The following CHMP4B variants were observed in gnomAD, a reference collection of about 807,000 sequenced individuals.
CHMP4B encodes charged multivesicular body protein 4B.
In CHMP4B, 1 loss-of-function variant was observed where a neutral mutation model predicts 25.1. That is an observed-to-expected ratio of 0.04 (90% CI 0.01 to 0.19). CHMP4B has a LOEUF of 0.19. Among genes scored for constraint, CHMP4B ranks in the 10% least tolerant of loss-of-function variants. CHMP4B has a pLI of 1.00. For synonymous variants in CHMP4B, 101 were observed against 115.6 expected, an observed-to-expected ratio of 0.87 and a Z score of 0.81; for missense variants, 151 against 289.7, an observed-to-expected ratio of 0.52 and a Z score of 3.48.
intron 1 of CHMP4B, among the ~76,000 whole-genome samples, chr20:33,830,611 G>A (rs556620999): frequency 5.9e-5 from 9 of 152,178 alleles, no homozygotes; most frequent in Non-Finnish European, 8.8e-5. Context: ...GAGCGGGGGC[G>A]TCTCTCTTCC....
intron 1 of CHMP4B, among the ~76,000 whole-genome samples, chr20:33,814,688 T>C (rs1978732428): frequency 6.6e-6 from 1 of 152,192 alleles, no homozygotes; most frequent in Non-Finnish European, 1.5e-5. Flanking sequence ...AGGGTCTTGC[T>C]CTGACATCCA....
chr20:33,828,664 C>T (rs777932260), intron 1 of CHMP4B, among the ~76,000 whole-genome samples: 87 of 152,032 alleles, frequency 5.7e-4, no homozygotes, highest in Admixed American at 3.3e-4. Context: ...TTCCTACTTT[C>T]GGCTCATTTT....
At position 33,834,974 on chromosome 20, in the gene CHMP4B, TG is replaced by T. The variant is rs202124088; in HGVS notation, c.191-13492del. ...CACGCCACCACGCCCAGCTAATTTT[TG>T]TAGTAGAGACGAGTTTCACCATGTT... On this transcript the variant is annotated intron_variant, in intron 1 of 4. Transcript: ENST00000217402. Among the ~76,000 whole-genome samples, 1,514 of 152,220 alleles carry T rather than the reference TG, an allele frequency of 9.9e-3. 26 individuals carry two copies. The highest frequency in any genetic ancestry group is 0.034 in the African/African-American group (1,414 of 41,530).
chr20:33,849,016 G>C (rs1315103784), intron 2 of CHMP4B, among the ~76,000 whole-genome samples: 1 of 152,142 alleles, frequency 6.6e-6, no homozygotes, highest in African/African-American at 2.4e-5. Context: ...ATTAGAATCG[G>C]TGCCCATGAT....
intron 1 of CHMP4B, among the ~76,000 whole-genome samples, chr20:33,817,365 G>C (rs1194693657): frequency 1.3e-5 from 2 of 152,232 alleles, no homozygotes; most frequent in Admixed American, 6.5e-5. Context: ...ATTTGGCAGG[G>C]AGATTAGATA....
At chr20:33,821,650 A>T (rs764370621) in intron 1 of CHMP4B, among the ~76,000 whole-genome samples, 1 of 151,790 alleles carries the variant, frequency 6.6e-6, no homozygotes, top group African/African-American at 2.4e-5. Flanking sequence ...TAGGCTGGGT[A>T]TGGTGACTCA....
intron 1 of CHMP4B, among the ~76,000 whole-genome samples, chr20:33,836,004 T>C (rs1470859816): frequency 1.3e-5 from 2 of 152,210 alleles, no homozygotes; most frequent in East Asian, 1.9e-4. Flanking sequence ...ACCTCTGACA[T>C]TGGTGATGAA....
chr20:33,838,595 G>T (rs1979452853), intron 1 of CHMP4B, among the ~76,000 whole-genome samples: 1 of 152,240 alleles, frequency 6.6e-6, no homozygotes, highest in Non-Finnish European at 1.5e-5. Flanking sequence ...ATATCTGTGG[G>T]CTGCATGGGT....
rs55917511 is a variant in CHMP4B at position 33,830,933 on chromosome 20, G to GTTTTTTTTTTTTTTTTTTTTTTTTTTT, written c.191-17518_191-17517insTTTTTTTTTTTTTTTTTTTTTTTTTTT. Among the ~76,000 whole-genome samples the GTTTTTTTTTTTTTTTTTTTTTTTTTTT allele has an allele frequency of 4.7e-4, 48 of 102,534 alleles. 2 individuals carry two copies. The highest frequency in any genetic ancestry group is 2.3e-3 in the East Asian group (5 of 2,146). The allele number at this position is 102,534 out of a possible 152,430, so 67.3% of individuals were successfully genotyped here. A position where few individuals can be genotyped will look rare whatever the true frequency, so the allele number is the denominator to read the frequency against. ...TGAATTAATTGTTCAAAGGAACAGA[G>GTTTTTTTTTTTTTTTTTTTTTTTTTTT]TTTTTTTTTTTTTTTTAGTTTTTTT... On this transcript the variant is annotated intron_variant, in intron 1 of 4. Transcript: ENST00000217402.
rs966219072 is a variant in CHMP4B, at chr20:33,837,541, G to C, written c.191-10926G>C. 1.2e-4 allele frequency among the ~76,000 whole-genome samples: 18 copies of C among 152,102 alleles called. 1 individual carries two copies. Among genetic ancestry groups the C allele is most frequent in the Middle Eastern group, 3.2e-3 (1 of 316 alleles). Reference sequence around the variant, plus strand: ...AGAGAGGAATTTCAGAGAGAGGAGGGAGGCAGTGCCAGAACTTGTAAGGAG... The same window carrying C: ...AGAGAGGAATTTCAGAGAGAGGAGGCAGGCAGTGCCAGAACTTGTAAGGAG... On this transcript the variant is annotated intron_variant, in intron 1 of 4. Coordinates refer to ENST00000217402, the MANE Select transcript of CHMP4B (RefSeq NM_176812.5).
At chr20:33,839,036 A>G (rs6088316) in intron 1 of CHMP4B, among the ~76,000 whole-genome samples, 16,399 of 152,166 alleles carry the variant, frequency 0.11, 1,218 homozygotes, top group Non-Finnish European at 0.17. Flanking sequence ...GTATAGTCAC[A>G]GGGGAGGTCC....
intron 1 of CHMP4B, among the ~76,000 whole-genome samples, chr20:33,812,453 A>G (rs1978657784): frequency 6.6e-6 from 1 of 152,110 alleles, no homozygotes; most frequent in South Asian, 2.1e-4. Context: ...CCCAGTCCCC[A>G]CTACTAGGAT....
intron 1 of CHMP4B, among the ~76,000 whole-genome samples, chr20:33,838,916 AC>A (rs1979460765): frequency 6.6e-6 from 1 of 151,962 alleles, no homozygotes; most frequent in Non-Finnish European, 1.5e-5. Flanking sequence ...CCCTTTGGTG[AC>A]CCTGACTCCC....
chr20:33,831,660 C>T (rs1157285896), intron 1 of CHMP4B, among the ~76,000 whole-genome samples: 1 of 152,260 alleles, frequency 6.6e-6, no homozygotes, highest in Non-Finnish European at 1.5e-5. Flanking sequence ...AGGCATGAGC[C>T]ACTGCACCTG....
At chr20:33,819,004 G>A (rs1294524137) in intron 1 of CHMP4B, among the ~76,000 whole-genome samples, 1 of 152,058 alleles carries the variant, frequency 6.6e-6, no homozygotes, top group Non-Finnish European at 1.5e-5. Flanking sequence ...CTGCCTCCCG[G>A]GTTCAAGTGA....
At chr20:33,831,778 T>C (rs752598259) in intron 1 of CHMP4B, among the ~76,000 whole-genome samples, 5 of 152,242 alleles carry the variant, frequency 3.3e-5, no homozygotes, top group Non-Finnish European at 7.3e-5. Context: ...TAATCGACAG[T>C]GTTCAGCAGG....
At chr20:33,835,296 T>C (rs1204574784) in intron 1 of CHMP4B, among the ~76,000 whole-genome samples, 2 of 152,254 alleles carry the variant, frequency 1.3e-5, no homozygotes, top group Admixed American at 6.5e-5. Context: ...TAATATGATG[T>C]GCTTTGGTAT....
intron 1 of CHMP4B, among the ~76,000 whole-genome samples, chr20:33,839,809 C>G (rs1433457789): frequency 1.3e-5 from 2 of 152,162 alleles, no homozygotes; most frequent in Admixed American, 1.3e-4. Context: ...GCTTTGATCC[C>G]AGGCCTGCCA....
intron 1 of CHMP4B, among the ~76,000 whole-genome samples, chr20:33,835,634 G>A (rs1979371512): frequency 6.6e-6 from 1 of 152,144 alleles, no homozygotes; most frequent in African/African-American, 2.4e-5. Flanking sequence ...TTAATCTCTA[G>A]AAGCTCGATG....
Sources: allele counts gnomAD v4.1 joint callset (sites outside exome capture counted in the v4.1 genomes callset), GRCh38; gene constraint gnomAD v4.1.1; transcripts MANE v1.5; gene names NCBI Gene and HGNC (gene_info 2026-07-23, HGNC 2026-07-21).